PCDH9: variants seen among roughly 807,000 people sequenced by gnomAD.
The protein encoded by PCDH9 is protocadherin-9.
Under a neutral mutation model 70.6 loss-of-function variants are expected in PCDH9, and 24 were observed. That is an observed-to-expected ratio of 0.34 (90% CI 0.25 to 0.48). The LOEUF is 0.48. PCDH9 is among the 20% of genes least tolerant of loss of function. PCDH9 has a pLI of 0.99. For missense variants in PCDH9, 1,281 were observed against 1,503.6 expected, an observed-to-expected ratio of 0.85 and a Z score of 2.45; for synonymous variants, 562 against 558.5, an observed-to-expected ratio of 1.01 and a Z score of -0.09.
intron 3 of PCDH9, among the ~76,000 whole-genome samples, chr13:66,642,943 A>C (rs1373840781): frequency 6.6e-6 from 1 of 151,996 alleles, no homozygotes; most frequent in African/African-American, 2.4e-5. Flanking sequence ...ATATGCAGAA[A>C]TGTTCTTTTT....
chr13:66,981,444 A>G (rs1336852412), intron 2 of PCDH9, among the ~76,000 whole-genome samples: 1 of 151,386 alleles, frequency 6.6e-6, no homozygotes, highest in Non-Finnish European at 1.5e-5. Context: ...TCTCAAAAAA[A>G]AAAAAAAAGA....
intron 2 of PCDH9, chr13:67,214,951 TA>T (rs2089561700): frequency 2.9e-5 from 2 of 70,140 alleles, no homozygotes; most frequent in Admixed American, 1.7e-4. Context: ...TATATATATA[TA>T]TATATATATA....
chr13:67,087,800 T>G (rs2086138570), intron 2 of PCDH9, among the ~76,000 whole-genome samples: 1 of 152,126 alleles, frequency 6.6e-6, no homozygotes, highest in Non-Finnish European at 1.5e-5. Flanking sequence ...CTTCCTCTGT[T>G]GCCTAGTTGG....
chr13:66,403,605 G>A (rs551572861), intron 4 of PCDH9, among the ~76,000 whole-genome samples: 20 of 152,082 alleles, frequency 1.3e-4, no homozygotes, highest in African/African-American at 4.8e-4. Flanking sequence ...ACTCTAGAGA[G>A]CTTTTGTATG....
At chr13:67,068,501 T>C (rs1242166800) in intron 2 of PCDH9, among the ~76,000 whole-genome samples, 1 of 152,148 alleles carries the variant, frequency 6.6e-6, no homozygotes, top group Admixed American at 6.6e-5. Flanking sequence ...AGTTATTATA[T>C]TTAATCATAA....
At chr13:66,725,614 T>C (rs1016601059) in intron 3 of PCDH9, among the ~76,000 whole-genome samples, 3 of 152,176 alleles carry the variant, frequency 2.0e-5, no homozygotes, top group Non-Finnish European at 4.4e-5. Flanking sequence ...TGTTAAAGGA[T>C]ACATTTCAAA....
chr13:66,777,355 G>A (rs946719644), intron 3 of PCDH9, among the ~76,000 whole-genome samples: 39 of 150,302 alleles, frequency 2.6e-4, no homozygotes, highest in African/African-American at 9.5e-4. Context: ...CCTACAAAAT[G>A]GGAGAAAATT....
At chr13:66,743,431 A>C (rs1387100399) in intron 3 of PCDH9, among the ~76,000 whole-genome samples, 2 of 149,254 alleles carry the variant, frequency 1.3e-5, no homozygotes, top group African/African-American at 4.9e-5. Flanking sequence ...CCAGCATGGC[A>C]CATGTATACA....
At chr13:66,862,815 T>C (rs1490923316) in intron 3 of PCDH9, among the ~76,000 whole-genome samples, 1 of 152,176 alleles carries the variant, frequency 6.6e-6, no homozygotes, top group Non-Finnish European at 1.5e-5. Flanking sequence ...CTGTATATTG[T>C]CATTTTAATA....
chr13:67,101,439 A>C (rs2138240595), intron 2 of PCDH9, among the ~76,000 whole-genome samples: 1 of 152,344 alleles, frequency 6.6e-6, no homozygotes, highest in Admixed American at 6.5e-5. Context: ...AAAATTCCAA[A>C]GTAGGTTGCT....
intron 2 of PCDH9, among the ~76,000 whole-genome samples, chr13:67,149,812 C>A (rs747703092): frequency 6.6e-6 from 1 of 151,820 alleles, no homozygotes; most frequent in Admixed American, 6.6e-5. Flanking sequence ...TGCTTTTAGC[C>A]GAACACTTTC....
intron 3 of PCDH9, among the ~76,000 whole-genome samples, chr13:66,887,586 T>C (rs1475491448): frequency 6.6e-6 from 1 of 152,232 alleles, no homozygotes; most frequent in African/African-American, 2.4e-5. Flanking sequence ...TCACGGAAAG[T>C]ACTATCACTA....
intron 3 of PCDH9, among the ~76,000 whole-genome samples, chr13:66,721,905 A>G (rs61961016): frequency 0.016 from 2,405 of 152,228 alleles, 73 homozygotes; most frequent in Admixed American, 0.07. Flanking sequence ...AGAACCTCCA[A>G]TGACACGAGC....
At chr13:66,981,485 T>TA (rs2083769826) in intron 2 of PCDH9, among the ~76,000 whole-genome samples, 1 of 151,148 alleles carries the variant, frequency 6.6e-6, no homozygotes, top group African/African-American at 2.4e-5. Context: ...TCATTTATAC[T>TA]AAAAAAAGTA....
intron 4 of PCDH9, among the ~76,000 whole-genome samples, chr13:66,326,455 G>A (rs933231256): frequency 3.6e-4 from 54 of 149,798 alleles, no homozygotes; most frequent in African/African-American, 1.2e-3. Flanking sequence ...GTCTTGCTCC[G>A]TCGCCCAGGC....
intron 3 of PCDH9, among the ~76,000 whole-genome samples, chr13:66,716,285 C>A (rs1465173303): frequency 6.6e-6 from 1 of 152,118 alleles, no homozygotes; most frequent in Non-Finnish European, 1.5e-5. Context: ...TTACTTGTTC[C>A]ATGTTTGTGC....
At chr13:66,934,765 G>A (rs1253145199) in intron 2 of PCDH9, among the ~76,000 whole-genome samples, 1 of 111,742 alleles carries the variant, frequency 8.9e-6, no homozygotes, top group African/African-American at 3.4e-5. Context: ...CTGTCGCCCA[G>A]GCTGGAGTGC....
chr13:66,408,974 C>T (rs371256808), intron 4 of PCDH9, among the ~76,000 whole-genome samples: 3 of 152,128 alleles, frequency 2.0e-5, no homozygotes, highest in East Asian at 3.9e-4. Flanking sequence ...TGAAGTAAAG[C>T]AGACAGTATA....
At chr13:66,849,496 AT>A (rs2081273507) in intron 3 of PCDH9, among the ~76,000 whole-genome samples, 1 of 56,880 alleles carries the variant, frequency 1.8e-5, no homozygotes, top group Non-Finnish European at 3.6e-5. Flanking sequence ...GTATATATAT[AT>A]ATATATATAT....
Sources: allele counts gnomAD v4.1 joint callset (sites outside exome capture counted in the v4.1 genomes callset), GRCh38; gene constraint gnomAD v4.1.1; transcripts MANE v1.5; gene names NCBI Gene and HGNC (gene_info 2026-07-23, HGNC 2026-07-21).